PHLDB1: variants seen among roughly 807,000 people sequenced by gnomAD.
PHLDB1 encodes pleckstrin homology like domain family B member 1.
A neutral mutation model predicts 139.3 loss-of-function variants in PHLDB1; 65 were observed. That is an observed-to-expected ratio of 0.47 (90% confidence interval 0.38 to 0.57). The LOEUF is 0.57. PHLDB1 is among the 20% of genes least tolerant of loss of function. The probability of loss-of-function intolerance (pLI) is 0.00; values close to 1 mark genes in which losing one functional copy is unlikely to be tolerated. For synonymous variants in PHLDB1, 679 were observed against 734.5 expected, an observed-to-expected ratio of 0.92 and a Z score of 1.22; for missense variants, 1,624 against 1,839.7, an observed-to-expected ratio of 0.88 and a Z score of 2.14.
chr11:118,648,269 T>TTG (rs71041842), intron 18 of PHLDB1, among the ~76,000 whole-genome samples, 193 bp downstream of exon 18: 2,135 of 125,482 alleles, frequency 0.017, 7 homozygotes, highest in Non-Finnish European at 0.02. Context: ...ACTATTCAAG[T>TTG]TGTGTGTGTG....
chr11:118,609,518 T>A (rs1264940095), intron 1 of PHLDB1, among the ~76,000 whole-genome samples: 1 of 112,262 alleles, frequency 8.9e-6, no homozygotes, highest in Non-Finnish European at 1.9e-5. Context: ...TGCAGCCCCC[T>A]CACACATGCA....
At chr11:118,613,270 T>A in intron 1 of PHLDB1, 1 of 984,334 alleles carries the variant, frequency 1.0e-6, no homozygotes. Flanking sequence ...AATGGCTGAG[T>A]TTTTCTTTTG....
At position 118,655,892 on chromosome 11, in the gene PHLDB1, G is replaced by C; in HGVS notation, c.3993G>C (p.Glu1331Asp). ...TTTTCCGCTTCACTATGGTGACTGAGGTACCCCTCCCCACTTAGCTGTAAC... is the reference window on the plus strand; with the variant it reads ...TTTTCCGCTTCACTATGGTGACTGACGTACCCCTCCCCACTTAGCTGTAAC... ...KRFFRFTMVT[E>D]SPNPALTFCV... The change falls in exon 22 of 23, where the codon GAG (glutamate) becomes GAC (aspartate). Residue 1331 changes from glutamate to aspartate, a missense_variant and splice_region_variant. Glu to Asp is a conservative substitution (Grantham distance 45). Transcript: ENST00000600882. The C allele has an allele frequency of 6.2e-7, 1 of 1,610,080 alleles. No homozygotes were observed. The highest frequency in any genetic ancestry group is 8.5e-7 in the Non-Finnish European group (1 of 1,176,358).
chr11:118,625,033 C>G lies in PHLDB1; in HGVS notation c.455C>G (p.Pro152Arg). The G allele has an allele frequency of 6.2e-7, 1 of 1,612,272 alleles. No individual in the cohort carries two copies. ...ATGATTCCAGCAGGGGGCCGAGCCC[C>G]TGGGCCCCCCTACAGCCCTGTTCCT... ...KSMIPAGGRAPGPPYSPVPAE... is the reference protein window; with the variant it reads ...KSMIPAGGRARGPPYSPVPAE... Residue 152 changes from proline (P) to arginine (R), a missense_variant, in exon 5 of 23, where the codon CCT (proline) becomes CGT (arginine). Pro to Arg is a moderately radical substitution (Grantham distance 103, BLOSUM62 -2). Coordinates refer to ENST00000600882, the MANE Select transcript of PHLDB1 (RefSeq NM_001144758.3).
intron 17 of PHLDB1, among the ~76,000 whole-genome samples, chr11:118,646,133 G>A (rs1035682175): frequency 1.1e-4 from 17 of 152,068 alleles, no homozygotes; most frequent in Admixed American, 2.0e-4. Flanking sequence ...GGTGGCAGGC[G>A]CCTGTAGTCC....
chr11:118,615,398 G>A (rs1941422879), intron 3 of PHLDB1, among the ~76,000 whole-genome samples: 1 of 152,024 alleles, frequency 6.6e-6, no homozygotes, highest in African/African-American at 2.4e-5. Flanking sequence ...CCAAGATGAG[G>A]CCCTGGCACA....
At chr11:118,613,439 T>C in intron 1 of PHLDB1, 1 of 993,922 alleles carries the variant, frequency 1.0e-6, no homozygotes, top group Non-Finnish European at 1.2e-6. Context: ...CCTTGCTGCT[T>C]CTCCCACTAA....
intron 2 of PHLDB1, 119 bp from the exon 3 acceptor site, chr11:118,614,440 C>T: frequency 1.8e-6 from 2 of 1,083,976 alleles, no homozygotes; most frequent in South Asian, 3.1e-5. Flanking sequence ...CTAAGCCTTT[C>T]AGCACCCTCA....
chr11:118,648,704 C>G (rs1376088461), intron 18 of PHLDB1, among the ~76,000 whole-genome samples: 3 of 152,176 alleles, frequency 2.0e-5, no homozygotes, highest in African/African-American at 7.2e-5. Context: ...CAGCCCTACC[C>G]TTTCTCCTTA....
chr11:118,655,414 G>A, intron 20 of PHLDB1, 191 bp from the exon 21 acceptor site: 1 of 519,208 alleles, frequency 1.9e-6, no homozygotes, highest in South Asian at 2.4e-5. Flanking sequence ...GTATTTCTCT[G>A]TGATTATGAG....
intron 14 of PHLDB1, 22 bp from the exon 15 acceptor site, chr11:118,644,050 C>T (rs782371754): frequency 1.3e-5 from 21 of 1,611,220 alleles, no homozygotes; most frequent in African/African-American, 2.7e-5. Flanking sequence ...AGCCCAGGTC[C>T]GAACTCTCCA....
chr11:118,639,996 G>A, intron 12 of PHLDB1: 1 of 986,092 alleles, frequency 1.0e-6, no homozygotes, highest in Non-Finnish European at 1.2e-6. Flanking sequence ...CTGCCCCAAA[G>A]CACAAGAGGT....
chr11:118,623,182 A>C (rs781840182), intron 4 of PHLDB1, among the ~76,000 whole-genome samples: 1 of 152,216 alleles, frequency 6.6e-6, no homozygotes, highest in Non-Finnish European at 1.5e-5. Context: ...CTTAGCTCAG[A>C]CTGGCGTGAA....
At chr11:118,638,523 G>A (rs1228451206) in intron 10 of PHLDB1, among the ~76,000 whole-genome samples, 3 of 152,194 alleles carry the variant, frequency 2.0e-5, no homozygotes, top group African/African-American at 7.2e-5. Context: ...TGGTGAGAAG[G>A]TCCAGACCAG....
chr11:118,639,107 T>A (rs1740836043), intron 11 of PHLDB1, 55 bp from the exon 12 acceptor site: 1 of 1,574,350 alleles, frequency 6.4e-7, no homozygotes, highest in African/African-American at 1.3e-5. Flanking sequence ...AGGGCCCCCC[T>A]CACACAGTCT....
rs67582556 is a variant in PHLDB1 at position 118,624,590 on chromosome 11, C to CTT, written c.356-317_356-316dup. The CTT allele has an allele frequency of 1.0e-3, 135 of 133,216 alleles. 5 individuals are homozygous for CTT. The highest frequency in any genetic ancestry group is 3.3e-3 in the African/African-American group (58 of 17,408). The allele number at this position is 133,216 out of a possible 1,614,324, so 8.3% of individuals were successfully genotyped here. On this transcript the variant is annotated intron_variant, in intron 4 of 22. Transcript: ENST00000600882. ...AAGTGTTTTCTCTCTTTCTTCCTTT[C>CTT]TTTTTTTTTTTTTTTTTTTTTTTTT...
chr11:118,632,171 C>A lies in PHLDB1; in HGVS notation c.2254C>A (p.Arg752=). ...TGTCTGCCCCCAGGCCGAAATGGAGCGGGCACTGCTGCAGGGAGAGAGGGA... is the reference window on the plus strand; with the variant it reads ...TGTCTGCCCCCAGGCCGAAATGGAGAGGGCACTGCTGCAGGGAGAGAGGGA... ...QESAREAEME[R]ALLQGEREAE... The change falls in exon 9 of 23, where the codon CGG becomes AGG. Residue 752 remains arginine (R), a synonymous_variant. Coordinates refer to ENST00000600882, the MANE Select transcript of PHLDB1 (RefSeq NM_001144758.3). This position sits in a 1 kb window ranked among gnomAD's most constrained non-coding sequence, Gnocchi z 5.9. 1 of 1,614,020 alleles carries A rather than the reference C, an allele frequency of 6.2e-7. No individual in the cohort carries two copies. The highest frequency in any genetic ancestry group is 8.5e-7 in the Non-Finnish European group (1 of 1,179,964).
At position 118,657,239 on chromosome 11, in the gene PHLDB1, A is replaced by T. The variant is rs1359033837; in HGVS notation, c.*416A>T. On this transcript the variant is annotated 3_prime_UTR_variant, in exon 23 of 23. Transcript: ENST00000600882. ...TCAGGCGGCCCGCTTCCCATTTCTCAAACCCCGCTCTGCCCCATTGTTCTC... is the reference window on the plus strand; with the variant it reads ...TCAGGCGGCCCGCTTCCCATTTCTCTAACCCCGCTCTGCCCCATTGTTCTC... The T allele has an allele frequency of 6.2e-6, 1 of 162,092 alleles. No individual in the cohort carries two copies. Among genetic ancestry groups the T allele is most frequent in the Non-Finnish European group, 1.4e-5 (1 of 73,312 alleles). The allele number at this position is 162,092 out of a possible 1,614,324, so 10.0% of individuals were successfully genotyped here.
chr11:118,641,737 C>T (rs1555120850), intron 12 of PHLDB1: 2 of 1,289,984 alleles, frequency 1.6e-6, no homozygotes, highest in Admixed American at 2.3e-5. Context: ...CTGCCTTCCT[C>T]CCATGCTGCC....
Sources: gnomAD v4.1 joint callset for allele counts (sites outside exome capture counted in the v4.1 genomes callset) on GRCh38, gnomAD v4.1.1 for gene constraint, Gnocchi (gnomAD v3.1) non-coding constraint, MANE v1.5 for transcripts, NCBI Gene and HGNC (gene_info 2026-07-23, HGNC 2026-07-21) for gene names.